CDC20B: variants seen among roughly 807,000 people sequenced by gnomAD.
CDC20B encodes cell division cycle protein 20 homolog B.
In CDC20B, 58 loss-of-function variants were observed where a neutral mutation model predicts 64.1. The ratio of observed to expected loss-of-function variants is 0.90; its 90% CI spans 0.73 to 1.13. The LOEUF (loss-of-function observed/expected upper bound fraction) is 1.13, where lower values mean the gene tolerates loss of function less well. Among genes scored for constraint, CDC20B ranks in the 50% most tolerant of loss-of-function variants. The pLI is 0.00. For synonymous variants in CDC20B, 243 were observed against 230.6 expected (o/e 1.05, Z -0.49); for missense variants, 597 against 633.0 (o/e 0.94, Z 0.61).
intron 2 of CDC20B, chr5:55,164,319 C>A: frequency 1.2e-6 from 1 of 866,132 alleles, no homozygotes; most frequent in Non-Finnish European, 1.6e-6. Context: ...ACTCTGTCAC[C>A]CAGGCTGGAG....
At chr5:55,158,816 G>C (rs142503105) in intron 2 of CDC20B, among the ~76,000 whole-genome samples, 41 of 152,226 alleles carry the variant, frequency 2.7e-4, no homozygotes, top group African/African-American at 9.6e-4. Context: ...ATGACCGTTA[G>C]CAACAGCAAA....
intron 5 of CDC20B, chr5:55,137,480 A>G: frequency 2.2e-6 from 1 of 451,878 alleles, no homozygotes; most frequent in Non-Finnish European, 4.5e-6. Context: ...CTGATGAGCA[A>G]TTACTTGGCT....
At position 55,127,360 on chromosome 5, in the gene CDC20B, A is replaced by G. The variant is rs760735062; in HGVS notation, c.895-9T>C. 1.2e-6 allele frequency: 2 copies of G among 1,610,410 alleles called. No homozygotes were observed. Among genetic ancestry groups the G allele is most frequent in the Non-Finnish European group, 1.7e-6 (2 of 1,176,654 alleles). On this transcript the variant is annotated splice_polypyrimidine_tract_variant and intron_variant, in intron 7 of 11. Coordinates refer to ENST00000381375, the MANE Select transcript of CDC20B (RefSeq NM_001170402.1). The stretch of plus-strand genomic sequence containing the variant: ...GTTACCACATCCCATAACTGAAAAA[A>G]TGAACAAGGAGAGTTATGTAGCATT...
At chr5:55,145,723 T>G (rs1181508648) in intron 3 of CDC20B, among the ~76,000 whole-genome samples, 1 of 151,768 alleles carries the variant, frequency 6.6e-6, no homozygotes, top group Non-Finnish European at 1.5e-5. Context: ...GAGGTTCTTC[T>G]TTCTTCTTTC....
chr5:55,139,834 T>C (rs1345525349), intron 5 of CDC20B, among the ~76,000 whole-genome samples: 2 of 151,886 alleles, frequency 1.3e-5, no homozygotes, highest in Middle Eastern at 3.2e-3. Context: ...AGACCAGCCA[T>C]GGCCAACATG....
intron 11 of CDC20B, among the ~76,000 whole-genome samples, chr5:55,117,033 T>A (rs1371472914): frequency 1.3e-5 from 2 of 152,214 alleles, no homozygotes; most frequent in African/African-American, 4.8e-5. Context: ...ACTGAAAGCA[T>A]GAAAACGTTG....
intron 2 of CDC20B, among the ~76,000 whole-genome samples, chr5:55,157,819 G>A (rs6450294): frequency 0.16 from 24,958 of 152,124 alleles, 2,153 homozygotes; most frequent in East Asian, 0.25. Context: ...CTGCCTAAGC[G>A]GTGGTCAGTC....
At chr5:55,130,097 A>G (rs535238836) in intron 6 of CDC20B, among the ~76,000 whole-genome samples, 1 of 152,346 alleles carries the variant, frequency 6.6e-6, no homozygotes, top group African/African-American at 2.4e-5. Context: ...ATGAAACTTT[A>G]TATGAAGCTT....
At chr5:55,140,468 G>T (rs981725835) in intron 4 of CDC20B, 61 bp from the exon 5 acceptor site, 7 of 1,126,916 alleles carry the variant, frequency 6.2e-6, no homozygotes, top group African/African-American at 4.7e-5. Flanking sequence ...CAACTAAAAT[G>T]TAATGTATAA....
At chr5:55,152,321 G>A (rs1243396018) in intron 2 of CDC20B, among the ~76,000 whole-genome samples, 1 of 152,212 alleles carries the variant, frequency 6.6e-6, no homozygotes, top group African/African-American at 2.4e-5. Context: ...CAAATACTCA[G>A]CCCTGTGCTT....
At chr5:55,140,756 G>A (rs138075912) in intron 4 of CDC20B, among the ~76,000 whole-genome samples, 4 of 152,254 alleles carry the variant, frequency 2.6e-5, no homozygotes, top group Non-Finnish European at 4.4e-5. Flanking sequence ...ACAGCTGAAT[G>A]GCCATCTTAA....
chr5:55,152,272 A>G (rs1743688339), intron 2 of CDC20B, among the ~76,000 whole-genome samples: 1 of 152,266 alleles, frequency 6.6e-6, no homozygotes, highest in African/African-American at 2.4e-5. Context: ...TGTCTAAGCT[A>G]CAAAGTTTCT....
At chr5:55,131,230 A>G (rs918598682) in intron 6 of CDC20B, among the ~76,000 whole-genome samples, 1 of 152,196 alleles carries the variant, frequency 6.6e-6, no homozygotes, top group Non-Finnish European at 1.5e-5. Context: ...TGTGATTGCA[A>G]GATGTTTATA....
At chr5:55,146,880 T>A in intron 2 of CDC20B, 24 bp from the exon 3 acceptor site, 1 of 1,574,530 alleles carries the variant, frequency 6.4e-7, no homozygotes, top group Non-Finnish European at 8.7e-7. Flanking sequence ...AAAACAGCTG[T>A]AAGTCCACTG....
At chr5:55,153,584 C>T (rs144209268) in intron 2 of CDC20B, among the ~76,000 whole-genome samples, 118 of 146,414 alleles carry the variant, frequency 8.1e-4, no homozygotes, top group African/African-American at 2.8e-3. Flanking sequence ...AGCAGATCCA[C>T]GTTAGCCTGA....
intron 9 of CDC20B, among the ~76,000 whole-genome samples, chr5:55,120,956 T>C (rs1242673345): frequency 2.0e-5 from 3 of 152,180 alleles, no homozygotes; most frequent in African/African-American, 4.8e-5. Context: ...TGTCCTTATG[T>C]TCCAGGTAGT....
At chr5:55,119,005 A>G (rs986761870) in intron 11 of CDC20B, among the ~76,000 whole-genome samples, 5 of 152,224 alleles carry the variant, frequency 3.3e-5, no homozygotes, top group African/African-American at 9.6e-5. Flanking sequence ...GTGTATCCCC[A>G]GCACCCCAAA....
Position 55,149,863 on chromosome 5 carries a change from G to A in CDC20B, c.127-3007C>T, listed in dbSNP as rs531241638. 5.3e-5 allele frequency among the ~76,000 whole-genome samples: 8 copies of A among 152,332 alleles called. No homozygotes were observed. In the East Asian group the frequency reaches 1.4e-3, roughly 26 times the overall value. Reference sequence around the variant, plus strand: ...AAAAGGTTATTTTTGGCCAGGTGCAGTGGCTCACACCTGTAATCCCAACAC... The same window carrying A: ...AAAAGGTTATTTTTGGCCAGGTGCAATGGCTCACACCTGTAATCCCAACAC... On this transcript the variant is annotated intron_variant, in intron 2 of 11. Coordinates refer to ENST00000381375, the MANE Select transcript of CDC20B (RefSeq NM_001170402.1).
chr5:55,168,537 T>C (rs910091732), intron 2 of CDC20B, among the ~76,000 whole-genome samples: 1 of 152,176 alleles, frequency 6.6e-6, no homozygotes, highest in African/African-American at 2.4e-5. Flanking sequence ...TAACATATTT[T>C]TTATTTCTTT....
Sources: gnomAD v4.1 joint callset for allele counts (sites outside exome capture counted in the v4.1 genomes callset) on GRCh38, gnomAD v4.1.1 for gene constraint, MANE v1.5 for transcripts, NCBI Gene and HGNC (gene_info 2026-07-23, HGNC 2026-07-21) for gene names.